The following MYO18A variants were observed in gnomAD, a reference collection of about 807,000 sequenced individuals.
MYO18A encodes the protein myosin XVIIIA.
A neutral mutation model predicts 235.8 loss-of-function variants in MYO18A; 78 were observed. The observed-to-expected ratio is 0.33, with a 90% CI of 0.28 to 0.40. The LOEUF is 0.40. Ranked by LOEUF, MYO18A falls within the 10% of genes least tolerant of loss-of-function variation. MYO18A has a pLI of 1.00. For missense variants in MYO18A, 2,215 were observed against 2,699.3 expected (o/e 0.82, Z 3.98); for synonymous variants, 977 against 1,077.8 (o/e 0.91, Z 1.83).
At chr17:29,097,151 C>T (rs1368423945) in intron 27 of MYO18A, 72 bp downstream of exon 27, 7 of 1,580,122 alleles carry the variant, frequency 4.4e-6, no homozygotes, top group Non-Finnish European at 6.0e-6. Flanking sequence ...CCAGAGTTCA[C>T]TGGACCGACA....
Position 29,119,444 on chromosome 17 carries a change from C to G in MYO18A, c.1729-9G>C, listed in dbSNP as rs1225962280. On this transcript the variant is annotated splice_polypyrimidine_tract_variant and intron_variant, in intron 7 of 41. Coordinates refer to ENST00000527372, the MANE Select transcript of MYO18A (RefSeq NM_078471.4). The stretch of plus-strand genomic sequence containing the variant: ...TTCTCCAGAAGCATTGTCTGTGACA[C>G]AGCATGGACGTGTGGGTAAGGAGGG... The G allele has an allele frequency of 6.2e-7, 1 of 1,604,400 alleles. No individual in the cohort carries two copies. The highest frequency in any genetic ancestry group is 8.5e-7 in the Non-Finnish European group (1 of 1,175,774).
chr17:29,164,913 C>G (rs1300397319), intron 2 of MYO18A, among the ~76,000 whole-genome samples: 2 of 152,180 alleles, frequency 1.3e-5, no homozygotes, highest in Non-Finnish European at 2.9e-5. Context: ...TAGGTTTTAT[C>G]CCTCTTGCTT....
At position 29,086,588 on chromosome 17, in the gene MYO18A, G is replaced by C. The variant is rs2066258619; in HGVS notation, c.5713-11C>G. Reference sequence around the variant, plus strand: ...TTCTAGATCCATCTCCTAGGAGGAAGGGGGCAGCCCAGTTTGCAGGAGGGC... The same window carrying C: ...TTCTAGATCCATCTCCTAGGAGGAACGGGGCAGCCCAGTTTGCAGGAGGGC... On this transcript the variant is annotated splice_polypyrimidine_tract_variant and intron_variant, in intron 38 of 41. Transcript: ENST00000527372. The C allele has an allele frequency of 2.5e-6, 4 of 1,612,004 alleles. No homozygotes were observed. The highest frequency in any genetic ancestry group is 3.4e-6 in the Non-Finnish European group (4 of 1,179,196).
intron 33 of MYO18A, 139 bp from the exon 34 acceptor site, chr17:29,092,595 G>T: frequency 1.2e-6 from 1 of 817,976 alleles, no homozygotes; most frequent in Non-Finnish European, 2.0e-6. Flanking sequence ...ATGGCTGTGT[G>T]GTGGTGCACG....
intron 3 of MYO18A, 84 bp from the exon 4 acceptor site, chr17:29,122,041 C>A (rs877492): frequency 0.46 from 698,130 of 1,510,920 alleles, 165,785 homozygotes; most frequent in East Asian, 0.85. Context: ...TATCCTCCCC[C>A]CCACTGCATC....
chr17:29,086,632 G>A, intron 38 of MYO18A, 55 bp from the exon 39 acceptor site: 2 of 1,580,756 alleles, frequency 1.3e-6, no homozygotes, highest in Non-Finnish European at 1.7e-6. Context: ...CCCCTAGATG[G>A]CCAGAAGAAG....
chr17:29,167,145 C>T (rs1000672845), intron 1 of MYO18A, 124 bp from the exon 2 acceptor site: 1 of 619,362 alleles, frequency 1.6e-6, no homozygotes, highest in African/African-American at 1.8e-5. Context: ...AGGCACTCTG[C>T]CTTACCCAAT....
chr17:29,142,145 C>T (rs1270614055), intron 2 of MYO18A, among the ~76,000 whole-genome samples: 1 of 152,166 alleles, frequency 6.6e-6, no homozygotes, highest in South Asian at 2.1e-4. Context: ...GGGGTTTCAC[C>T]GTGGTCTCAA....
intron 1 of MYO18A, among the ~76,000 whole-genome samples, chr17:29,179,481 GT>G (rs1422687097): frequency 6.6e-6 from 1 of 152,180 alleles, no homozygotes; most frequent in African/African-American, 2.4e-5. Flanking sequence ...AAGGGGCAGG[GT>G]GAGGGGGCAG....
chr17:29,082,508 GGTGCAGGGGGTGTCTT>G, intron 40 of MYO18A, 70 bp from the exon 41 acceptor site: 1 of 1,526,314 alleles, frequency 6.6e-7, no homozygotes, highest in Non-Finnish European at 8.9e-7. Context: ...AGCAGATGGG[GGTGCAGGGGGTGTCTT>G]GGGCAGGGGG....
intron 2 of MYO18A, among the ~76,000 whole-genome samples, chr17:29,124,946 T>A (rs1241129841): frequency 6.6e-6 from 1 of 152,140 alleles, no homozygotes; most frequent in South Asian, 2.1e-4. Flanking sequence ...GATGCTCCTC[T>A]AAGTCATTCC....
In MYO18A at chr17:29,082,439, C is replaced by T; in HGVS notation, c.5898-1G>A. On this transcript the variant is annotated splice_acceptor_variant, in intron 40 of 41. Coordinates refer to ENST00000527372, the MANE Select transcript of MYO18A (RefSeq NM_078471.4). LOFTEE classifies it high-confidence loss of function. ...CGAGTCCACATCAGAGTCTCCCTCA[C>T]TGTAGGGATGAGGAGCAGAAAGGTA... 6.2e-7 allele frequency: 1 copy of T among 1,612,714 alleles called. No homozygotes were observed. The highest frequency in any genetic ancestry group is 8.5e-7 in the Non-Finnish European group (1 of 1,179,640).
At position 29,111,501 on chromosome 17, in the gene MYO18A, A is replaced by G. The variant is rs760022570; in HGVS notation, c.2823T>C (p.Asn941=). Residue 941 remains asparagine (N), a synonymous_variant, in exon 17 of 42, where the codon AAT becomes AAC. Transcript: ENST00000527372. The surrounding 1 kb of genome is among the most constrained non-coding windows in gnomAD (Gnocchi z 5.1). ...TGGTGTAGTTCAGCCAGCCAGTCACATTGTACTCTACCCAGTTGGTGCCAT... is the reference window on the plus strand; with the variant it reads ...TGGTGTAGTTCAGCCAGCCAGTCACGTTGTACTCTACCCAGTTGGTGCCAT... ...HSHGTNWVEY[N]VTGWLNYTKQ... 2 of 1,613,252 alleles carry G rather than the reference A, an allele frequency of 1.2e-6. No individual in the cohort carries two copies. Among genetic ancestry groups the G allele is most frequent in the Non-Finnish European group, 1.7e-6 (2 of 1,179,632 alleles).
Position 29,118,130 on chromosome 17 carries a change from C to G in MYO18A, c.1953G>C (p.Val651=), listed in dbSNP as rs2067116708. 2 of 1,596,312 alleles carry G rather than the reference C, an allele frequency of 1.3e-6. No homozygotes were observed. Among genetic ancestry groups the G allele is most frequent in the Admixed American group, 3.5e-5 (2 of 57,852 alleles). The change falls in exon 10 of 42, where the codon GTG becomes GTC. Residue 651 remains valine, a synonymous_variant. Transcript: ENST00000527372. This position sits in a 1 kb window ranked among gnomAD's most constrained non-coding sequence, Gnocchi z 4.2. ...QFSKLQAAMK[V]LGISPDEQKA... is the part of the protein sequence containing the mutation. ...TCTGTTCATCGGGGGAGATGCCCAG[C>G]ACCTTCATGGCCGCCTGCAGCTTAC...
intron 2 of MYO18A, chr17:29,137,018 T>A (rs1230337207): frequency 2.0e-5 from 3 of 152,228 alleles, no homozygotes; most frequent in Non-Finnish European, 2.9e-5. Context: ...ACACTTACTA[T>A]GAGCCAGGCA....
At chr17:29,171,357 A>T (rs2068398997) in intron 1 of MYO18A, among the ~76,000 whole-genome samples, 1 of 152,068 alleles carries the variant, frequency 6.6e-6, no homozygotes, top group Admixed American at 6.6e-5. Context: ...GAATCGCTTG[A>T]ACCTGGGAGG....
intron 23 of MYO18A, 112 bp from the exon 24 acceptor site, chr17:29,098,557 T>A (rs1294893748): frequency 3.9e-6 from 5 of 1,288,484 alleles, no homozygotes; most frequent in Non-Finnish European, 5.5e-6. Context: ...CAGGACGCCA[T>A]GGGGAAGGCA....
At chr17:29,133,371 GCC>G (rs2067519758) in intron 2 of MYO18A, among the ~76,000 whole-genome samples, 1 of 152,210 alleles carries the variant, frequency 6.6e-6, no homozygotes, top group Admixed American at 6.5e-5. Flanking sequence ...GACCCAGGTG[GCC>G]AACTGGCCTG....
intron 15 of MYO18A, among the ~76,000 whole-genome samples, chr17:29,113,034 C>T (rs2066970697): frequency 6.6e-6 from 1 of 152,218 alleles, no homozygotes; most frequent in Admixed American, 6.6e-5. Context: ...CCAAGCTCTT[C>T]CCACATGCTG....
Sources: allele counts gnomAD v4.1 joint callset (sites outside exome capture counted in the v4.1 genomes callset), GRCh38; gene constraint gnomAD v4.1.1; non-coding constraint Gnocchi (gnomAD v3.1); transcripts MANE v1.5; gene names NCBI Gene and HGNC (gene_info 2026-07-23, HGNC 2026-07-21).